The following NGEF variants were observed in gnomAD, a reference collection of about 807,000 sequenced individuals.
NGEF encodes the protein ephexin-1.
A neutral mutation model predicts 80.9 loss-of-function variants in NGEF; 31 were observed. The observed-to-expected ratio is 0.38, with a 90% CI of 0.29 to 0.52. The LOEUF is 0.52. NGEF is among the 20% of genes least tolerant of loss of function. The pLI, the probability that NGEF is intolerant of heterozygous loss-of-function variation, is 0.84. For synonymous variants in NGEF, 371 were observed against 370.2 expected (o/e 1.00, Z -0.03); for missense variants, 709 against 926.2 (o/e 0.77, Z 3.04).
chr2:233,005,395 C>A (rs1418609264), intron 1 of NGEF, among the ~76,000 whole-genome samples: 1 of 152,252 alleles, frequency 6.6e-6, no homozygotes, highest in African/African-American at 2.4e-5. Context: ...CCAAACACTT[C>A]TGCCCAGATT....
intron 3 of NGEF, among the ~76,000 whole-genome samples, chr2:232,967,959 T>C (rs1694099157): frequency 6.6e-6 from 1 of 152,176 alleles, no homozygotes; most frequent in African/African-American, 2.4e-5. Context: ...GTGATATTTA[T>C]CATAGTGTGG....
intron 1 of NGEF, among the ~76,000 whole-genome samples, chr2:232,979,695 T>C (rs1694370261): frequency 6.6e-6 from 1 of 152,160 alleles, no homozygotes; most frequent in Non-Finnish European, 1.5e-5. Context: ...CATTCATTCA[T>C]TCATTCACAC....
chr2:232,901,172 T>C (rs185985211), intron 5 of NGEF, among the ~76,000 whole-genome samples: 9 of 152,264 alleles, frequency 5.9e-5, no homozygotes, highest in Admixed American at 3.3e-4. Context: ...CGGGCCCCAA[T>C]TCCCTGTTAC....
At chr2:232,940,340 C>G (rs112897222) in intron 3 of NGEF, among the ~76,000 whole-genome samples, 398 of 152,306 alleles carry the variant, frequency 2.6e-3, no homozygotes, top group African/African-American at 8.9e-3. Context: ...AGCCAGTGGT[C>G]GCCAAGGCGT....
chr2:232,900,432 TCA>T (rs1352424168), intron 5 of NGEF, among the ~76,000 whole-genome samples: 4 of 51,386 alleles, frequency 7.8e-5, no homozygotes, highest in Non-Finnish European at 7.9e-5. Flanking sequence ...TTACATGCTC[TCA>T]CAGTCACTCA....
intron 2 of NGEF, among the ~76,000 whole-genome samples, chr2:232,971,810 G>A (rs540270366): frequency 2.0e-5 from 3 of 152,300 alleles, no homozygotes; most frequent in African/African-American, 7.2e-5. Flanking sequence ...GCTTGGGGAG[G>A]TCACAAACTC....
chr2:233,003,243 A>G (rs993440941), intron 1 of NGEF, among the ~76,000 whole-genome samples: 4 of 152,150 alleles, frequency 2.6e-5, no homozygotes, highest in African/African-American at 7.2e-5. Flanking sequence ...GGCCTCTGGG[A>G]CTACCTGGTG....
At chr2:232,900,274 TCA>T (rs61726497) in intron 5 of NGEF, among the ~76,000 whole-genome samples, 1,913 of 86,884 alleles carry the variant, frequency 0.022, 511 homozygotes, top group Non-Finnish European at 0.033. Context: ...TCACTCACAT[TCA>T]CACACACACG....
intron 5 of NGEF, among the ~76,000 whole-genome samples, chr2:232,900,908 C>T (rs938806683): frequency 1.3e-5 from 2 of 152,218 alleles, no homozygotes; most frequent in Non-Finnish European, 2.9e-5. Flanking sequence ...TCAGGCAGCG[C>T]GGGCCACGGG....
chr2:232,974,356 C>T lies in NGEF; in HGVS notation c.268+267G>A, dbSNP rs543173012. 3.4e-4 allele frequency among the ~76,000 whole-genome samples: 51 copies of T among 152,150 alleles called. 1 individual carries two copies. In the South Asian group the frequency reaches 4.4e-3, roughly 13 times the overall value. On this transcript the variant is annotated intron_variant, in intron 2 of 14. Transcript: ENST00000264051. ...TGCATGTACAGCGAGGGGTGTTTTG[C>T]TGAGTTCTAGAACAAGAAATCTCTT...
chr2:232,909,361 A>T (rs186812978), intron 5 of NGEF, among the ~76,000 whole-genome samples: 12 of 152,314 alleles, frequency 7.9e-5, no homozygotes, highest in Admixed American at 7.8e-4. Flanking sequence ...CTATCTTTGC[A>T]TTAATTCATC....
At chr2:232,976,715 C>T (rs1360172099) in intron 1 of NGEF, among the ~76,000 whole-genome samples, 6 of 152,200 alleles carry the variant, frequency 3.9e-5, no homozygotes, top group African/African-American at 1.2e-4. Flanking sequence ...TGAGCATTAA[C>T]GTACTCAGAG....
At chr2:232,928,245 G>A in intron 3 of NGEF, 1 of 861,170 alleles carries the variant, frequency 1.2e-6, no homozygotes, top group Non-Finnish European at 1.4e-6. Context: ...AGGCCGGGCG[G>A]CGGCGGGGCG....
chr2:232,944,663 A>C (rs1219579088), intron 3 of NGEF, among the ~76,000 whole-genome samples: 1 of 150,326 alleles, frequency 6.7e-6, no homozygotes, highest in African/African-American at 2.4e-5. Flanking sequence ...TAAGGAAAGA[A>C]AAAAAGAGAA....
chr2:232,900,613 T>TTCACTTAC (rs71058509), intron 5 of NGEF, among the ~76,000 whole-genome samples: 2 of 37,736 alleles, frequency 5.3e-5, no homozygotes, highest in Admixed American at 2.4e-4. Flanking sequence ...TTCACTCACA[T>TTCACTTAC]ACACACACGC....
chr2:232,944,610 G>A (rs1320647725), intron 3 of NGEF, among the ~76,000 whole-genome samples: 7 of 150,082 alleles, frequency 4.7e-5, no homozygotes, highest in Non-Finnish European at 7.4e-5. Flanking sequence ...AAAGGGAAGC[G>A]AAACAATTAT....
At chr2:232,929,921 G>A (rs1693184677) in intron 3 of NGEF, among the ~76,000 whole-genome samples, 2 of 152,156 alleles carry the variant, frequency 1.3e-5, no homozygotes, top group African/African-American at 4.8e-5. Flanking sequence ...TAGTGAATAA[G>A]TCTCACAAGA....
intron 9 of NGEF, among the ~76,000 whole-genome samples, chr2:232,885,853 A>G (rs1691661578): frequency 6.6e-6 from 1 of 152,206 alleles, no homozygotes. Context: ...GGGCACATAA[A>G]TGAGCACCAT....
intron 3 of NGEF, among the ~76,000 whole-genome samples, chr2:232,967,536 T>C (rs1014949164): frequency 6.6e-6 from 1 of 152,092 alleles, no homozygotes; most frequent in Non-Finnish European, 1.5e-5. Context: ...GGTTTTGTCA[T>C]ATTGGCCAGG....
Sources: gnomAD v4.1 joint callset for allele counts (sites outside exome capture counted in the v4.1 genomes callset) on GRCh38, gnomAD v4.1.1 for gene constraint, MANE v1.5 for transcripts, NCBI Gene and HGNC (gene_info 2026-07-23, HGNC 2026-07-21) for gene names.